Variants in PRDM16 observed in about 807,000 individuals in gnomAD.
The protein encoded by PRDM16 is histone-lysine N-methyltransferase PRDM16.
Under a neutral mutation model 110.6 loss-of-function variants are expected in PRDM16, and 23 were observed. The observed-to-expected ratio is 0.21, with a 90% CI of 0.15 to 0.29. The LOEUF (loss-of-function observed/expected upper bound fraction) is 0.29, where lower values mean the gene tolerates loss of function less well. PRDM16 is among the 10% of genes least tolerant of loss of function. The pLI is 1.00. For synonymous variants in PRDM16, 799 were observed against 781.8 expected, an observed-to-expected ratio of 1.02 and a Z score of -0.37; for missense variants, 1,615 against 1,794.3, an observed-to-expected ratio of 0.90 and a Z score of 1.81.
At chr1:3,125,803 G>A (rs1024822990) in intron 1 of PRDM16, among the ~76,000 whole-genome samples, 3 of 152,330 alleles carry the variant, frequency 2.0e-5, no homozygotes, top group African/African-American at 4.8e-5. Context: ...CGGCACAGGC[G>A]AGGCGCGGCC....
chr1:3,179,003 C>A (rs369309750), intron 1 of PRDM16, among the ~76,000 whole-genome samples: 1 of 152,172 alleles, frequency 6.6e-6, no homozygotes, highest in Admixed American at 6.5e-5. Flanking sequence ...CCTGGCCCTG[C>A]GGGTTTAGAG....
At chr1:3,366,167 G>A (rs1210388678) in intron 3 of PRDM16, among the ~76,000 whole-genome samples, 1 of 152,252 alleles carries the variant, frequency 6.6e-6, no homozygotes, top group Admixed American at 6.5e-5. Flanking sequence ...GACAGCCGGA[G>A]AACACAGGCT....
intron 5 of PRDM16, among the ~76,000 whole-genome samples, chr1:3,400,736 C>CT (rs2100638007): frequency 6.6e-6 from 1 of 152,276 alleles, no homozygotes; most frequent in Admixed American, 6.5e-5. Flanking sequence ...CAGTGCTTTC[C>CT]TGAGGTTCAG....
chr1:3,416,734 G>T (rs1002227672), intron 10 of PRDM16, among the ~76,000 whole-genome samples: 34 of 152,238 alleles, frequency 2.2e-4, no homozygotes, highest in African/African-American at 7.7e-4. Flanking sequence ...GGCCCTGTGG[G>T]TCAGGCATTG....
At chr1:3,292,401 C>G (rs2100362096) in intron 3 of PRDM16, among the ~76,000 whole-genome samples, 1 of 152,326 alleles carries the variant, frequency 6.6e-6, no homozygotes, top group African/African-American at 2.4e-5. Context: ...ATCCTCCGCC[C>G]AGTGTCTCCA....
Position 3,416,992 on chromosome 1 carries a change from T to C in PRDM16, c.2692-836T>C, listed in dbSNP as rs374638022. Among the ~76,000 whole-genome samples the C allele has an allele frequency of 2.6e-5, 4 of 152,204 alleles. No homozygotes were observed. In the East Asian group the frequency reaches 5.8e-4, roughly 22 times the overall value. ...GAGCTGGGAGAGGCAGGGCTGACAC[T>C]GAGCAGCTCCATCAGCCCAGCCCTT... On this transcript the variant is annotated intron_variant, in intron 10 of 16. Transcript: ENST00000270722.
At chr1:3,181,854 ACACACGCAGTCTTACACACGGTCTTG>A (rs1255299388) in intron 1 of PRDM16, among the ~76,000 whole-genome samples, 27 of 96,608 alleles carry the variant, frequency 2.8e-4, no homozygotes, top group East Asian at 1.3e-3. Context: ...ACACGGTCTT[ACACACGCAGTCTTACACACGGTCTTG>A]CACACGCAGT....
At chr1:3,097,830 A>G (rs2142570) in intron 1 of PRDM16, among the ~76,000 whole-genome samples, 11,183 of 152,164 alleles carry the variant, frequency 0.073, 429 homozygotes, top group African/African-American at 0.076. Context: ...GGGCCCAAGC[A>G]TGCAGGGATG....
At position 3,156,686 on chromosome 1, in the gene PRDM16, C is replaced by T. The variant is rs190538469; in HGVS notation, c.38-29439C>T. Reference sequence around the variant, plus strand: ...TCTCCAGACCAGAGAAGGTTGGACCCGTTCAGAGAAGCCTCCGTCCTTCAG... The same window carrying T: ...TCTCCAGACCAGAGAAGGTTGGACCTGTTCAGAGAAGCCTCCGTCCTTCAG... On this transcript the variant is annotated intron_variant, in intron 1 of 16. Transcript: ENST00000270722. 4.6e-5 allele frequency among the ~76,000 whole-genome samples: 7 copies of T among 152,302 alleles called. No homozygotes were observed. The East Asian group carries it at 1.2e-3, about 25-fold the overall frequency.
intron 3 of PRDM16, among the ~76,000 whole-genome samples, chr1:3,281,765 C>A (rs114553524): frequency 0.021 from 3,149 of 152,322 alleles, 55 homozygotes; most frequent in Middle Eastern, 0.048. Context: ...TGGTTGGATT[C>A]ACAGATTAGC....
At chr1:3,135,586 A>G (rs922136849) in intron 1 of PRDM16, among the ~76,000 whole-genome samples, 2 of 151,920 alleles carry the variant, frequency 1.3e-5, no homozygotes, top group African/African-American at 2.4e-5. Context: ...CGCAGGTGAC[A>G]CACCAGCTGT....
chr1:3,328,935 CG>C (rs1414029918), intron 3 of PRDM16, among the ~76,000 whole-genome samples: 1 of 152,150 alleles, frequency 6.6e-6, no homozygotes, highest in Non-Finnish European at 1.5e-5. Flanking sequence ...AGGGGCCTGC[CG>C]GGGGAGGGCA....
At chr1:3,394,222 G>C (rs1053672162) in intron 4 of PRDM16, among the ~76,000 whole-genome samples, 2 of 152,090 alleles carry the variant, frequency 1.3e-5, no homozygotes, top group African/African-American at 4.8e-5. Context: ...GATCTGGCTC[G>C]GTGTGTAGAG....
In PRDM16 at chr1:3,351,159, A is replaced by G. The variant is rs536094738; in HGVS notation, c.439-33993A>G. Among the ~76,000 whole-genome samples the G allele has an allele frequency of 5.3e-5, 8 of 152,228 alleles. No individual in the cohort carries two copies. The South Asian group carries it at 1.7e-3, about 32-fold the overall frequency. On this transcript the variant is annotated intron_variant, in intron 3 of 16. Transcript: ENST00000270722. ...GGGTCTCTGAGATGTGGGTCTCAGA[A>G]GCACCTGCTTCCCACGGGGTCCACC...
chr1:3,205,097 G>T (rs1451128178), intron 2 of PRDM16, among the ~76,000 whole-genome samples: 2 of 152,056 alleles, frequency 1.3e-5, no homozygotes, highest in African/African-American at 4.8e-5. Context: ...TCCCGGGAAG[G>T]GTGGGCAAGT....
intron 1 of PRDM16, among the ~76,000 whole-genome samples, chr1:3,154,287 G>A (rs992956902): frequency 1.3e-5 from 2 of 152,122 alleles, no homozygotes; most frequent in Non-Finnish European, 2.9e-5. Flanking sequence ...GGGCGGCGTG[G>A]TGGGGGGGCA....
At chr1:3,104,041 G>A (rs1040763358) in intron 1 of PRDM16, among the ~76,000 whole-genome samples, 15 of 152,260 alleles carry the variant, frequency 9.9e-5, no homozygotes, top group African/African-American at 3.1e-4. Flanking sequence ...GCCTTCCTCC[G>A]CCGAAGTCAC....
At chr1:3,195,715 G>A (rs932037977) in intron 2 of PRDM16, among the ~76,000 whole-genome samples, 1 of 152,298 alleles carries the variant, frequency 6.6e-6, no homozygotes, top group Admixed American at 6.5e-5. Context: ...CCAGAAGCAG[G>A]AGGGAGAAGG....
intron 1 of PRDM16, among the ~76,000 whole-genome samples, chr1:3,178,006 G>A (rs780488520): frequency 2.0e-5 from 3 of 152,158 alleles, no homozygotes; most frequent in Non-Finnish European, 4.4e-5. Flanking sequence ...AGGCCGCGGC[G>A]TCTTGCTGCC....
Sources: allele counts gnomAD v4.1 joint callset (sites outside exome capture counted in the v4.1 genomes callset), GRCh38; gene constraint gnomAD v4.1.1; transcripts MANE v1.5; gene names NCBI Gene and HGNC (gene_info 2026-07-23, HGNC 2026-07-21).